Variants in ANK2 observed in about 807,000 individuals in gnomAD.
The protein encoded by ANK2 is ankyrin-2.
A neutral mutation model predicts 360.5 loss-of-function variants in ANK2; 83 were observed. That is an observed-to-expected ratio of 0.23 (90% CI 0.19 to 0.28). The LOEUF (loss-of-function observed/expected upper bound fraction) is 0.28, where lower values mean the gene tolerates loss of function less well. Ranked by LOEUF, ANK2 falls within the 10% of genes least tolerant of loss-of-function variation. ANK2 has a pLI of 1.00. For missense variants in ANK2, 4,201 were observed against 4,795.7 expected, an observed-to-expected ratio of 0.88 and a Z score of 3.66; for synonymous variants, 1,740 against 1,759.5, an observed-to-expected ratio of 0.99 and a Z score of 0.28.
intron 2 of ANK2, among the ~76,000 whole-genome samples, chr4:112,925,811 A>G (rs925628539): frequency 1.3e-4 from 20 of 152,250 alleles, no homozygotes; most frequent in Non-Finnish European, 2.2e-4. Flanking sequence ...CTGGTAATCA[A>G]TCCATTATTC....
chr4:112,875,205 A>G (rs1342448107), intron 1 of ANK2, among the ~76,000 whole-genome samples: 1 of 152,112 alleles, frequency 6.6e-6, no homozygotes, highest in East Asian at 1.9e-4. Flanking sequence ...GTTTTAGTAG[A>G]GATGGGTTTT....
In ANK2 at chr4:113,280,117, G is replaced by C. The variant is rs541015366; in HGVS notation, c.1881+1559G>C. ...TTCCAGGCTGACCATTCTCAACATAGATACAAAAGACTTCATTAGTACTCA... is the reference window on the plus strand; with the variant it reads ...TTCCAGGCTGACCATTCTCAACATACATACAAAAGACTTCATTAGTACTCA... On this transcript the variant is annotated intron_variant, in intron 17 of 45. Coordinates refer to ENST00000357077, the MANE Select transcript of ANK2 (RefSeq NM_001148.6). 2.6e-5 allele frequency among the ~76,000 whole-genome samples: 4 copies of C among 151,764 alleles called. No homozygotes were observed. The South Asian group carries it at 6.2e-4, about 24-fold the overall frequency.
At chr4:112,881,983 C>T in intron 1 of ANK2, 1 of 583,878 alleles carries the variant, frequency 1.7e-6, no homozygotes, top group Non-Finnish European at 3.2e-6. Context: ...AAACCCAGAG[C>T]CCCCGGAGTG....
At chr4:112,891,490 T>C (rs1484418738) in intron 1 of ANK2, among the ~76,000 whole-genome samples, 2 of 152,162 alleles carry the variant, frequency 1.3e-5, no homozygotes, top group Non-Finnish European at 2.9e-5. Context: ...ATCAAAATTA[T>C]CCAAGGCAAA....
intron 2 of ANK2, among the ~76,000 whole-genome samples, chr4:112,914,665 C>T (rs1270597987): frequency 1.3e-5 from 2 of 152,108 alleles, no homozygotes; most frequent in African/African-American, 4.8e-5. Context: ...CCCTTATTTG[C>T]TTACTTTTCT....
intron 14 of ANK2, among the ~76,000 whole-genome samples, chr4:113,272,987 AT>A (rs1436534844): frequency 1.3e-4 from 20 of 152,176 alleles, no homozygotes; most frequent in African/African-American, 4.6e-4. Context: ...TAAATAAAAA[AT>A]GTTTATTCTC....
chr4:113,148,592 A>G (rs1377621015), intron 1 of ANK2, among the ~76,000 whole-genome samples: 1 of 152,206 alleles, frequency 6.6e-6, no homozygotes, highest in African/African-American at 2.4e-5. Flanking sequence ...TCTTATTATG[A>G]AAACAATACT....
chr4:113,208,734 T>A (rs1416604925), intron 4 of ANK2, among the ~76,000 whole-genome samples: 1 of 151,796 alleles, frequency 6.6e-6, no homozygotes, highest in Admixed American at 6.6e-5. Context: ...AACTCCTGGG[T>A]TCAAGCAGTC....
At chr4:112,928,113 T>A (rs547339077) in intron 2 of ANK2, among the ~76,000 whole-genome samples, 1 of 152,344 alleles carries the variant, frequency 6.6e-6, no homozygotes, top group South Asian at 2.1e-4. Context: ...TCATCTGTGA[T>A]AACCTGCTTA....
At chr4:113,340,268 T>C (rs1461788657) in intron 32 of ANK2, among the ~76,000 whole-genome samples, 1 of 152,146 alleles carries the variant, frequency 6.6e-6, no homozygotes, top group Non-Finnish European at 1.5e-5. Context: ...AAGAGGTGAC[T>C]CGAGACATGT....
rs181798418 is a variant in ANK2 at position 112,984,724 on chromosome 4, A to G, written c.21+80210A>G. On this transcript the variant is annotated intron_variant, in intron 2 of 30. Coordinates refer to the ANK2 transcript ENST00000503271. Reference sequence around the variant, plus strand: ...TAGAGCCACAGAAATTTACCCAATCATGAGAGGTTATTGACTATTTTCCAA... The same window carrying G: ...TAGAGCCACAGAAATTTACCCAATCGTGAGAGGTTATTGACTATTTTCCAA... Among the ~76,000 whole-genome samples, 251 of 152,204 alleles carry G rather than the reference A, an allele frequency of 1.6e-3. 1 individual carries two copies. The highest frequency in any genetic ancestry group is 4.9e-3 in the African/African-American group (204 of 41,538).
At chr4:113,211,636 A>G (rs2099023250) in intron 4 of ANK2, among the ~76,000 whole-genome samples, 1 of 152,048 alleles carries the variant, frequency 6.6e-6, no homozygotes, top group African/African-American at 2.4e-5. Context: ...CACATATTAT[A>G]CTCTTAACTA....
intron 2 of ANK2, among the ~76,000 whole-genome samples, chr4:112,934,983 A>G (rs1006788880): frequency 6.6e-6 from 1 of 152,216 alleles, no homozygotes; most frequent in African/African-American, 2.4e-5. Context: ...GGAGGAAAGA[A>G]TCTTCCATAT....
chr4:113,174,300 T>G, intron 1 of ANK2, 116 bp from the exon 2 acceptor site: 1 of 798,936 alleles, frequency 1.3e-6, no homozygotes, highest in South Asian at 1.5e-5. Context: ...TCCGTATTAT[T>G]GAAATTTTTC....
intron 1 of ANK2, among the ~76,000 whole-genome samples, chr4:113,134,407 G>A (rs372565608): frequency 6.6e-6 from 1 of 150,590 alleles, no homozygotes; most frequent in East Asian, 2.0e-4. Context: ...AAGTTGGGGA[G>A]TGCATAGAGA....
chr4:113,146,292 T>C (rs1473698164), intron 1 of ANK2, among the ~76,000 whole-genome samples: 4 of 152,218 alleles, frequency 2.6e-5, no homozygotes, highest in Admixed American at 2.0e-4. Context: ...AAGGTGGACA[T>C]ACGTATTATT....
intron 1 of ANK2, among the ~76,000 whole-genome samples, chr4:113,052,370 G>A (rs969377117): frequency 6.6e-6 from 1 of 152,102 alleles, no homozygotes; most frequent in African/African-American, 2.4e-5. Context: ...CAGGACTACG[G>A]ACCACCAAGC....
the ANK2 span, among the ~76,000 whole-genome samples, chr4:112,760,711 G>T: frequency 6.6e-6 from 1 of 151,716 alleles, no homozygotes; most frequent in African/African-American, 2.4e-5. Context: ...TATTCTTAAA[G>T]GTGGGCTCTT....
chr4:113,356,052 G>A lies in ANK2; in HGVS notation c.7434G>A (p.Met2478Ile). Residue 2478 changes from methionine to isoleucine, a missense_variant, in exon 38 of 46, where the codon ATG becomes ATA. Coordinates refer to ENST00000357077, the MANE Select transcript of ANK2 (RefSeq NM_001148.6). Reference sequence around the variant, plus strand: ...AAAGCAGCCCTGTTGAACCAAAGATGAAGGCTGGAATTTTTCCAAGTCACT... The same window carrying A: ...AAAGCAGCCCTGTTGAACCAAAGATAAAGGCTGGAATTTTTCCAAGTCACT... ...SLESSPVEPK[M>I]KAGIFPSHFP... 1 of 1,614,078 alleles carries A rather than the reference G, an allele frequency of 6.2e-7. No individual in the cohort carries two copies. Among genetic ancestry groups the A allele is most frequent in the Non-Finnish European group, 8.5e-7 (1 of 1,179,990 alleles).
Sources: allele counts gnomAD v4.1 joint callset (sites outside exome capture counted in the v4.1 genomes callset), GRCh38; gene constraint gnomAD v4.1.1; transcripts MANE v1.5; gene names NCBI Gene and HGNC (gene_info 2026-07-23, HGNC 2026-07-21).